Variants in L3MBTL4 observed in about 807,000 individuals in gnomAD.
L3MBTL4 encodes lethal(3)malignant brain tumor-like protein 4.
Under a neutral mutation model 84.5 loss-of-function variants are expected in L3MBTL4, and 70 were observed. That is an observed-to-expected ratio of 0.83 (90% CI 0.68 to 1.01). The LOEUF (loss-of-function observed/expected upper bound fraction) is 1.01, where lower values mean the gene tolerates loss of function less well. Among genes scored for constraint, L3MBTL4 ranks in the 50% least tolerant of loss-of-function variants. The probability of loss-of-function intolerance (pLI) is 0.00; values close to 1 mark genes in which losing one functional copy is unlikely to be tolerated. For synonymous variants in L3MBTL4, 274 were observed against 259.8 expected, an observed-to-expected ratio of 1.05 and a Z score of -0.52; for missense variants, 715 against 754.8, an observed-to-expected ratio of 0.95 and a Z score of 0.62.
At chr18:6,243,569 G>A (rs531512367) in intron 6 of L3MBTL4, 140 bp from the exon 7 acceptor site, 2 of 608,678 alleles carry the variant, frequency 3.3e-6, no homozygotes, top group Admixed American at 4.0e-5. Context: ...TTCCATTAAA[G>A]AAGAAATTTA....
chr18:6,248,334 TA>T (rs987455531), intron 5 of L3MBTL4, among the ~76,000 whole-genome samples: 3 of 152,218 alleles, frequency 2.0e-5, no homozygotes, highest in African/African-American at 7.2e-5. Flanking sequence ...AGTATATTGT[TA>T]AAAACTGTGC....
chr18:6,183,341 G>A (rs2044568270), intron 12 of L3MBTL4, among the ~76,000 whole-genome samples: 2 of 152,128 alleles, frequency 1.3e-5, no homozygotes, highest in South Asian at 4.1e-4. Context: ...CATAATCTCT[G>A]CCCAAAAGCT....
chr18:6,214,691 T>A (rs2046251703), intron 11 of L3MBTL4, among the ~76,000 whole-genome samples: 1 of 152,214 alleles, frequency 6.6e-6, no homozygotes, highest in South Asian at 2.1e-4. Flanking sequence ...AGGTCTTTCA[T>A]CCCGGAGAAT....
At chr18:6,336,209 T>C (rs2052328369) in intron 1 of L3MBTL4, among the ~76,000 whole-genome samples, 2 of 151,244 alleles carry the variant, frequency 1.3e-5, no homozygotes, top group South Asian at 4.2e-4. Context: ...TGGAGAGCTA[T>C]GAAAGAAATA....
At chr18:6,297,138 A>G (rs1311905715) in intron 4 of L3MBTL4, among the ~76,000 whole-genome samples, 9 of 152,206 alleles carry the variant, frequency 5.9e-5, no homozygotes. Flanking sequence ...CTACACAAGA[A>G]TAGTTTCAGT....
At chr18:6,034,121 G>T (rs1049027710) in intron 16 of L3MBTL4, among the ~76,000 whole-genome samples, 9 of 151,888 alleles carry the variant, frequency 5.9e-5, no homozygotes, top group Non-Finnish European at 1.2e-4. Context: ...GTTTATAAGG[G>T]AATGTCTTAA....
chr18:5,959,671 G>A (rs567590281), intron 18 of L3MBTL4, among the ~76,000 whole-genome samples: 2 of 152,268 alleles, frequency 1.3e-5, no homozygotes, highest in South Asian at 4.1e-4. Flanking sequence ...GCAATCCCAA[G>A]GGAGGATTCC....
At chr18:6,223,101 C>G (rs1052020679) in intron 10 of L3MBTL4, among the ~76,000 whole-genome samples, 5 of 151,876 alleles carry the variant, frequency 3.3e-5, no homozygotes, top group Non-Finnish European at 5.9e-5. Context: ...GTAGGTCCAG[C>G]CAATTGGTGA....
At chr18:6,258,101 G>T (rs779579716) in intron 5 of L3MBTL4, among the ~76,000 whole-genome samples, 2 of 152,196 alleles carry the variant, frequency 1.3e-5, no homozygotes, top group Admixed American at 1.3e-4. Flanking sequence ...AGGACCACAG[G>T]GGAAAGAGGC....
intron 16 of L3MBTL4, among the ~76,000 whole-genome samples, chr18:6,080,481 T>A (rs916786964): frequency 6.6e-6 from 1 of 152,230 alleles, no homozygotes. Context: ...AATACTCTTC[T>A]AGCCTTTCTT....
chr18:6,256,479 C>A (rs1241173901), intron 5 of L3MBTL4, among the ~76,000 whole-genome samples: 1 of 151,700 alleles, frequency 6.6e-6, no homozygotes, highest in African/African-American at 2.4e-5. Context: ...ATAAATGCAA[C>A]CTTATCATCC....
intron 18 of L3MBTL4, among the ~76,000 whole-genome samples, chr18:5,957,103 C>A (rs2095231580): frequency 6.6e-6 from 1 of 152,040 alleles, no homozygotes; most frequent in African/African-American, 2.4e-5. Context: ...TTATTTAATC[C>A]TTTCAACTTT....
intron 10 of L3MBTL4, among the ~76,000 whole-genome samples, chr18:6,221,556 G>A (rs922964174): frequency 1.3e-5 from 2 of 152,132 alleles, no homozygotes; most frequent in South Asian, 2.1e-4. Flanking sequence ...AACTAACAAC[G>A]AAGTCAAAGC....
intron 1 of L3MBTL4, chr18:6,395,831 A>C (rs2055247435): frequency 6.6e-6 from 1 of 152,222 alleles, no homozygotes; most frequent in South Asian, 2.1e-4. Flanking sequence ...TCTACAATAA[A>C]GATGCGGAAA....
intron 16 of L3MBTL4, among the ~76,000 whole-genome samples, chr18:6,006,368 TAAG>T (rs749082297): frequency 1.4e-4 from 22 of 152,166 alleles, no homozygotes; most frequent in South Asian, 2.1e-4. Context: ...GCTTGATATA[TAAG>T]AACTATGAGT....
At chr18:6,038,596 G>C (rs2056257826) in intron 16 of L3MBTL4, among the ~76,000 whole-genome samples, 1 of 152,118 alleles carries the variant, frequency 6.6e-6, no homozygotes, top group East Asian at 1.9e-4. Context: ...GGTGATCCTA[G>C]TAAAAGACAG....
At chr18:6,031,179 C>G in intron 16 of L3MBTL4, 1 of 985,432 alleles carries the variant, frequency 1.0e-6, no homozygotes, top group Non-Finnish European at 1.2e-6. Context: ...TCCCTCCTCC[C>G]CCGTGGGAGT....
Position 6,350,134 on chromosome 18 carries a change from T to C in L3MBTL4, c.-90-38078A>G, listed in dbSNP as rs149643904. On this transcript the variant is annotated intron_variant, in intron 1 of 18. Coordinates refer to ENST00000317931, the MANE Select transcript of L3MBTL4 (RefSeq NM_001330559.2). ...AAATGAACAAAAGACCTAAACATAA[T>C]AGCTGAAACTATAAAACTCCTAGAA... 9.6e-3 allele frequency among the ~76,000 whole-genome samples: 1,457 copies of C among 152,214 alleles called. 20 individuals are homozygous for C. The highest frequency in any genetic ancestry group is 0.034 in the African/African-American group (1,409 of 41,532).
intron 16 of L3MBTL4, among the ~76,000 whole-genome samples, chr18:6,016,951 C>A (rs2055014252): frequency 6.6e-6 from 1 of 152,012 alleles, no homozygotes; most frequent in African/African-American, 2.4e-5. Context: ...CCACCGCCTC[C>A]TGACCATCCG....
Sources: allele counts gnomAD v4.1 joint callset (sites outside exome capture counted in the v4.1 genomes callset), GRCh38; gene constraint gnomAD v4.1.1; transcripts MANE v1.5; gene names NCBI Gene and HGNC (gene_info 2026-07-23, HGNC 2026-07-21).